Variants in PDE4D observed in about 807,000 individuals in gnomAD.
PDE4D encodes 3',5'-cyclic-AMP phosphodiesterase 4D.
In PDE4D, 24 loss-of-function variants were observed where a neutral mutation model predicts 87.4. The ratio of observed to expected loss-of-function variants is 0.27; its 90% CI spans 0.20 to 0.39. The LOEUF (loss-of-function observed/expected upper bound fraction) is 0.39, where lower values mean the gene tolerates loss of function less well. Ranked by LOEUF, PDE4D falls within the 10% of genes least tolerant of loss-of-function variation. The pLI is 1.00. For synonymous variants in PDE4D, 384 were observed against 383.2 expected (o/e 1.00, Z -0.02); for missense variants, 714 against 1,041.0 (o/e 0.69, Z 4.32).
chr5:59,525,938 A>G (rs574300358), intron 1 of PDE4D, among the ~76,000 whole-genome samples: 17 of 152,304 alleles, frequency 1.1e-4, no homozygotes, highest in Middle Eastern at 3.4e-3. Context: ...TGAGTCAATG[A>G]AACCTGTTTC....
At chr5:59,601,555 A>T (rs912037799) in intron 1 of PDE4D, among the ~76,000 whole-genome samples, 1 of 152,012 alleles carries the variant, frequency 6.6e-6, no homozygotes. Flanking sequence ...ACATTTAGGT[A>T]TATTCAAATT....
intron 1 of PDE4D, among the ~76,000 whole-genome samples, chr5:60,326,186 G>A (rs1756774649): frequency 6.6e-6 from 1 of 152,102 alleles, no homozygotes; most frequent in Admixed American, 6.6e-5. Flanking sequence ...TAAATGCCCA[G>A]GAGTGCATTT....
chr5:60,107,932 C>T (rs1288343325), intron 2 of PDE4D, among the ~76,000 whole-genome samples: 17 of 152,240 alleles, frequency 1.1e-4, no homozygotes, highest in East Asian at 1.9e-4. Context: ...AGAATCATTC[C>T]GTTTGAAAAC....
chr5:59,762,313 T>C (rs1186591677), intron 1 of PDE4D, among the ~76,000 whole-genome samples: 1 of 148,248 alleles, frequency 6.7e-6, no homozygotes, highest in Non-Finnish European at 1.5e-5. Flanking sequence ...CATATGCGTA[T>C]ATGGGTACAC....
At chr5:59,244,187 C>G (rs1033171382) in intron 1 of PDE4D, among the ~76,000 whole-genome samples, 5 of 151,840 alleles carry the variant, frequency 3.3e-5, no homozygotes, top group African/African-American at 1.2e-4. Context: ...CCCAGCACTT[C>G]AGGAGTTCAA....
At chr5:59,182,885 A>G (rs1741990583) in intron 4 of PDE4D, among the ~76,000 whole-genome samples, 1 of 152,232 alleles carries the variant, frequency 6.6e-6, no homozygotes, top group African/African-American at 2.4e-5. Context: ...CAAGTCAGCA[A>G]TGTGCATCTG....
chr5:59,110,247 G>GA (rs1242844703), intron 5 of PDE4D, among the ~76,000 whole-genome samples: 1 of 152,196 alleles, frequency 6.6e-6, no homozygotes, highest in Non-Finnish European at 1.5e-5. Flanking sequence ...AGCTTACTCA[G>GA]AGGCTGTGAC....
chr5:59,129,730 G>C (rs1328204161), intron 5 of PDE4D, among the ~76,000 whole-genome samples: 2 of 152,092 alleles, frequency 1.3e-5, no homozygotes, highest in East Asian at 3.9e-4. Flanking sequence ...ATCACATTCT[G>C]GTCGCGAATG....
chr5:60,100,512 T>G (rs1372605995), intron 2 of PDE4D, among the ~76,000 whole-genome samples: 2 of 152,004 alleles, frequency 1.3e-5, no homozygotes, highest in Non-Finnish European at 2.9e-5. Flanking sequence ...ATATTTGCAC[T>G]GGTTTTGCCT....
intron 2 of PDE4D, among the ~76,000 whole-genome samples, chr5:60,167,520 G>A (rs1023441215): frequency 7.9e-5 from 12 of 151,666 alleles, no homozygotes; most frequent in Admixed American, 2.0e-4. Flanking sequence ...CGCCCGCCTC[G>A]GCCTGAACTG....
intron 2 of PDE4D, among the ~76,000 whole-genome samples, chr5:60,016,268 C>T (rs1006465120): frequency 1.3e-5 from 2 of 152,054 alleles, no homozygotes; most frequent in East Asian, 3.9e-4. Flanking sequence ...AAAAAGTGTA[C>T]ACACTTTAGT....
intron 3 of PDE4D, among the ~76,000 whole-genome samples, chr5:59,939,104 G>A (rs529703943): frequency 2.6e-5 from 4 of 152,208 alleles, no homozygotes; most frequent in Admixed American, 6.5e-5. Flanking sequence ...GGTAGCCTCC[G>A]TCAGCCAAGG....
intron 2 of PDE4D, among the ~76,000 whole-genome samples, chr5:60,092,050 CAAAAAAAA>C (rs66814905): frequency 2.1e-3 from 115 of 55,988 alleles, no homozygotes; most frequent in African/African-American, 7.5e-3. Context: ...AACTCCGTCT[CAAAAAAAA>C]AAAAAAAAAA....
At chr5:59,369,130 C>A (rs1412948575) in intron 1 of PDE4D, among the ~76,000 whole-genome samples, 1 of 152,184 alleles carries the variant, frequency 6.6e-6, no homozygotes, top group Non-Finnish European at 1.5e-5. Context: ...TCTAGAAATT[C>A]TACTGTGGCC....
At chr5:59,289,594 T>C (rs1289201053) in intron 1 of PDE4D, among the ~76,000 whole-genome samples, 1 of 151,894 alleles carries the variant, frequency 6.6e-6, no homozygotes, top group Non-Finnish European at 1.5e-5. Context: ...CTGAATAGGG[T>C]ATAACTGAAG....
At chr5:58,994,812 G>C (rs188636451) in intron 6 of PDE4D, among the ~76,000 whole-genome samples, 2 of 151,948 alleles carry the variant, frequency 1.3e-5, no homozygotes, top group Non-Finnish European at 2.9e-5. Flanking sequence ...CATTTCAATG[G>C]ACTGTTGGAT....
intron 1 of PDE4D, among the ~76,000 whole-genome samples, chr5:59,688,933 T>C (rs1750400953): frequency 1.3e-5 from 2 of 152,154 alleles, no homozygotes; most frequent in South Asian, 4.1e-4. Flanking sequence ...CAGAGAATAC[T>C]ATAAACACCT....
chr5:59,510,592 T>G (rs1054029811), intron 1 of PDE4D, among the ~76,000 whole-genome samples: 4 of 151,682 alleles, frequency 2.6e-5, no homozygotes, highest in Non-Finnish European at 5.9e-5. Flanking sequence ...GAAACAAAGG[T>G]AGAGAACATC....
intron 3 of PDE4D, among the ~76,000 whole-genome samples, chr5:59,953,192 T>C (rs1360570066): frequency 6.6e-6 from 1 of 152,100 alleles, no homozygotes; most frequent in African/African-American, 2.4e-5. Flanking sequence ...GCCACTTATG[T>C]AGAAATGTTT....
Sources: gnomAD v4.1 joint callset for allele counts (sites outside exome capture counted in the v4.1 genomes callset) on GRCh38, gnomAD v4.1.1 for gene constraint, MANE v1.5 for transcripts, NCBI Gene and HGNC (gene_info 2026-07-23, HGNC 2026-07-21) for gene names.